The following CHRDL1 variants were observed in gnomAD, a reference collection of about 807,000 sequenced individuals.
CHRDL1 encodes chordin like 1.
CHRDL1 carries 19 observed loss-of-function variants against 40.9 expected under a neutral mutation model. The ratio of observed to expected loss-of-function variants is 0.46; its 90% CI spans 0.32 to 0.68. CHRDL1 has a LOEUF of 0.68. CHRDL1 is among the 30% of genes least tolerant of loss of function. The probability of loss-of-function intolerance (pLI) is 0.03; values close to 1 mark genes in which losing one functional copy is unlikely to be tolerated. For synonymous variants in CHRDL1, 136 were observed against 123.4 expected, an observed-to-expected ratio of 1.10 and a Z score of -0.68; for missense variants, 329 against 352.1, an observed-to-expected ratio of 0.93 and a Z score of 0.53.
chrX:110,683,660 G>A (rs1196361943), intron 9 of CHRDL1, among the ~76,000 whole-genome samples: 1 of 111,641 alleles, frequency 9.0e-6, no homozygotes, highest in Non-Finnish European at 1.9e-5. Context: ...CTGTATGGCA[G>A]ACGTATCTGA....
intron 4 of CHRDL1, among the ~76,000 whole-genome samples, chrX:110,735,708 T>C (rs984051934): frequency 7.2e-4 from 81 of 112,379 alleles, no homozygotes; most frequent in Non-Finnish European, 5.4e-4. Context: ...CCCAATGACA[T>C]CAGGCACCTG....
At chrX:110,679,247 T>C in intron 11 of CHRDL1, 89 bp downstream of exon 11, 2 of 631,110 alleles carry the variant, frequency 3.2e-6, no homozygotes, top group Non-Finnish European at 5.4e-6. Context: ...TAATGTTCAC[T>C]GAGATTGCGG....
chrX:110,728,123 T>C (rs2071090903), intron 4 of CHRDL1, among the ~76,000 whole-genome samples: 1 of 110,348 alleles, frequency 9.1e-6, no homozygotes, highest in African/African-American at 3.3e-5. Flanking sequence ...TTTTAAAATA[T>C]ATATATATAT....
At chrX:110,749,400 CT>C (rs2089316871) in intron 4 of CHRDL1, among the ~76,000 whole-genome samples, 1 of 112,062 alleles carries the variant, frequency 8.9e-6, no homozygotes, top group Admixed American at 9.4e-5. Context: ...CTGCAGACAG[CT>C]TTGATTTAGC....
chrX:110,716,443 T>C (rs1452746686), intron 6 of CHRDL1, among the ~76,000 whole-genome samples: 1 of 110,690 alleles, frequency 9.0e-6, no homozygotes, highest in Non-Finnish European at 1.9e-5. Context: ...TATGCATTAA[T>C]AGGGATGATA....
intron 6 of CHRDL1, among the ~76,000 whole-genome samples, chrX:110,713,009 T>A (rs947162020): frequency 9.0e-6 from 1 of 111,243 alleles, no homozygotes; most frequent in Non-Finnish European, 1.9e-5. Flanking sequence ...AAGTTGGGGA[T>A]CCCAGGAGTG....
intron 9 of CHRDL1, among the ~76,000 whole-genome samples, chrX:110,685,886 A>ATT (rs72389100): frequency 3.3e-4 from 27 of 82,773 alleles, no homozygotes; most frequent in Non-Finnish European, 4.6e-4. Context: ...TTTTTAGCCA[A>ATT]TTTTTTTTTT....
rs771260718 is a variant in CHRDL1, at chrX:110,726,157, C to G, written c.302-4627G>C. ...AGTGATGCAAGAGAAGATAACTGAG[C>G]CTGGTCTCTGGGGTCTGCAAACATT... is the stretch of plus-strand genomic sequence containing the variant. On this transcript the variant is annotated intron_variant, in intron 4 of 11. Transcript: ENST00000372042. Among the ~76,000 whole-genome samples, 53 of 111,229 alleles carry G rather than the reference C, an allele frequency of 4.8e-4. 1 individual carries two copies. Among genetic ancestry groups the G allele is most frequent in the African/African-American group, 1.7e-3 (52 of 30,627 alleles).
intron 5 of CHRDL1, among the ~76,000 whole-genome samples, chrX:110,721,116 C>T (rs756741024): frequency 5.4e-5 from 6 of 111,772 alleles, no homozygotes; most frequent in African/African-American, 1.6e-4. Flanking sequence ...TGAAAAGGAG[C>T]GCCGATCAAC....
chrX:110,686,892 A>AAAC (rs1224800614), intron 9 of CHRDL1, among the ~76,000 whole-genome samples: 5 of 49,128 alleles, frequency 1.0e-4, no homozygotes, highest in Non-Finnish European at 1.9e-4. Flanking sequence ...TCAAAAAAAC[A>AAAC]AAAAATAAAA....
intron 3 of CHRDL1, 53 bp from the exon 4 acceptor site, chrX:110,759,807 G>A (rs1295988223): frequency 2.1e-5 from 19 of 904,207 alleles, no homozygotes; most frequent in East Asian, 3.1e-5. Context: ...AGGTCGCTGG[G>A]ATCAAGCCAG....
At position 110,756,986 on chromosome X, in the gene CHRDL1, G is replaced by C. The variant is rs1603226306; in HGVS notation, c.301+2675C>G. Among the ~76,000 whole-genome samples, 3 of 111,579 alleles carry C rather than the reference G, an allele frequency of 2.7e-5. 1 individual carries two copies. The Admixed American group carries it at 2.9e-4, about 11-fold the overall frequency. ...TTTAAATAACTTGAAAACCTGAGGG[G>C]AAACAAGGTTATTGAAAATAAACAA... On this transcript the variant is annotated intron_variant, in intron 4 of 11. Transcript: ENST00000372042.
intron 6 of CHRDL1, among the ~76,000 whole-genome samples, chrX:110,716,435 T>C (rs1034626127): frequency 1.8e-4 from 20 of 110,861 alleles, no homozygotes; most frequent in African/African-American, 5.9e-4. Context: ...GAAGAGCTTA[T>C]GCATTAATAG....
chrX:110,736,556 G>T (rs1603208121), intron 4 of CHRDL1, among the ~76,000 whole-genome samples: 1 of 111,479 alleles, frequency 9.0e-6, no homozygotes, highest in African/African-American at 3.3e-5. Context: ...ACCAAGGCTG[G>T]AAAAACAATA....
At chrX:110,725,904 G>A (rs2071047203) in intron 4 of CHRDL1, among the ~76,000 whole-genome samples, 1 of 111,591 alleles carries the variant, frequency 9.0e-6, no homozygotes, top group African/African-American at 3.3e-5. Flanking sequence ...GCTATTGGGA[G>A]GTGGCTGGAG....
chrX:110,748,788 A>G (rs2089301602), intron 4 of CHRDL1, among the ~76,000 whole-genome samples: 1 of 112,397 alleles, frequency 8.9e-6, no homozygotes, highest in Admixed American at 9.4e-5. Context: ...AGAGTAGTCA[A>G]ATTCATAGAG....
intron 5 of CHRDL1, among the ~76,000 whole-genome samples, chrX:110,720,939 C>G (rs922993166): frequency 4.5e-5 from 5 of 111,981 alleles, no homozygotes; most frequent in African/African-American, 9.7e-5. Context: ...TAGGAATTAA[C>G]TGGTTAGTAA....
At chrX:110,786,445 C>T (rs746175296) in intron 2 of CHRDL1, among the ~76,000 whole-genome samples, 23 of 112,021 alleles carry the variant, frequency 2.1e-4, no homozygotes, top group Admixed American at 4.8e-4. Context: ...GCTCCAAGTA[C>T]ACAAAACCAG....
chrX:110,737,406 A>G (rs919899150), intron 4 of CHRDL1, among the ~76,000 whole-genome samples: 6 of 111,945 alleles, frequency 5.4e-5, no homozygotes, highest in African/African-American at 1.9e-4. Context: ...CCTCTTCTCC[A>G]GAGACCACCA....
Sources: gnomAD v4.1 joint callset for allele counts (sites outside exome capture counted in the v4.1 genomes callset) on GRCh38, gnomAD v4.1.1 for gene constraint, MANE v1.5 for transcripts, NCBI Gene and HGNC (gene_info 2026-07-23, HGNC 2026-07-21) for gene names.